Variants in NEDD4 observed in about 807,000 individuals in gnomAD.
NEDD4 encodes the protein NEDD4 E3 ubiquitin protein ligase.
A neutral mutation model predicts 144.9 loss-of-function variants in NEDD4; 99 were observed. That is an observed-to-expected ratio of 0.68 (90% CI 0.58 to 0.81). The LOEUF (loss-of-function observed/expected upper bound fraction) is 0.81, where lower values mean the gene tolerates loss of function less well. Among genes scored for constraint, NEDD4 ranks in the 30% least tolerant of loss-of-function variants. The pLI is 0.00. For synonymous variants in NEDD4, 318 were observed against 350.6 expected, an observed-to-expected ratio of 0.91 and a Z score of 1.04; for missense variants, 985 against 1,065.9, an observed-to-expected ratio of 0.92 and a Z score of 1.06.
At position 55,872,423 on chromosome 15, in the gene NEDD4, A is replaced by G; in HGVS notation, c.396T>C (p.His132=). 6.9e-7 allele frequency: 1 copy of G among 1,453,274 alleles called. No individual in the cohort carries two copies. Among genetic ancestry groups the G allele is most frequent in the Non-Finnish European group, 9.3e-7 (1 of 1,078,800 alleles). 90.0% of individuals were successfully genotyped at this position (1,453,274 alleles called of 1,614,324 possible). ...ATTTTATATTTACTGACCTTCTTGG[A>G]TGAAGAACAAAATCCTTAAATGTAT... is the stretch of plus-strand genomic sequence containing the variant. ...RPYTFKDFVL[H]PRSHKSRVKG... The change falls in exon 7 of 29, where the codon CAT becomes CAC. Residue 132 remains histidine, a synonymous_variant. Coordinates refer to ENST00000435532, the MANE Select transcript of NEDD4 (RefSeq NM_006154.4).
chr15:55,957,993 T>C (rs927014142), intron 2 of NEDD4, among the ~76,000 whole-genome samples: 1 of 152,112 alleles, frequency 6.6e-6, no homozygotes, highest in Non-Finnish European at 1.5e-5. Flanking sequence ...GGGTGAGGGA[T>C]AGCATTAGGA....
At chr15:55,961,065 C>T (rs567017382) in intron 2 of NEDD4, among the ~76,000 whole-genome samples, 11 of 152,300 alleles carry the variant, frequency 7.2e-5, no homozygotes, top group South Asian at 2.1e-4. Context: ...TAGAGAGTGG[C>T]TATCTGCTAT....
chr15:55,986,240 T>C (rs1463017956), intron 1 of NEDD4, among the ~76,000 whole-genome samples: 4 of 152,172 alleles, frequency 2.6e-5, no homozygotes, highest in Non-Finnish European at 5.9e-5. Flanking sequence ...AATTCATCAA[T>C]GGATGCTAAA....
chr15:55,913,298 G>A (rs2036333214), intron 5 of NEDD4, among the ~76,000 whole-genome samples: 1 of 151,882 alleles, frequency 6.6e-6, no homozygotes, highest in Non-Finnish European at 1.5e-5. Context: ...TTATAAGTGA[G>A]TTACAATATA....
intron 1 of NEDD4, among the ~76,000 whole-genome samples, chr15:55,967,921 G>A (rs1453475403): frequency 6.6e-6 from 1 of 152,068 alleles, no homozygotes; most frequent in Non-Finnish European, 1.5e-5. Context: ...GGTGAGGCAG[G>A]AGGATTGCCT....
At chr15:55,849,013 T>G (rs2033871047) in intron 14 of NEDD4, 127 bp from the exon 15 acceptor site, 2 of 713,942 alleles carry the variant, frequency 2.8e-6, no homozygotes, top group Non-Finnish European at 4.8e-6. Flanking sequence ...AATTTATACT[T>G]TATTTCCTAA....
rs541548706 is a variant in NEDD4, at chr15:55,904,166, G to T, written c.291+20480C>A. On this transcript the variant is annotated intron_variant, in intron 5 of 28. Coordinates refer to ENST00000435532, the MANE Select transcript of NEDD4 (RefSeq NM_006154.4). ...AGCAAGACTGCATCTCAAAAGAAAA[G>T]AATATATCAAGGTTTTCTCCAAGTT... Among the ~76,000 whole-genome samples, 44 of 152,120 alleles carry T rather than the reference G, an allele frequency of 2.9e-4. 2 individuals carry two copies. In the South Asian group the frequency reaches 8.9e-3, roughly 31 times the overall value.
At chr15:55,953,390 T>C (rs1036412851) in intron 2 of NEDD4, among the ~76,000 whole-genome samples, 1 of 152,116 alleles carries the variant, frequency 6.6e-6, no homozygotes, top group East Asian at 1.9e-4. Flanking sequence ...ACAGCCAGGA[T>C]TGAAACTCCA....
intron 5 of NEDD4, among the ~76,000 whole-genome samples, chr15:55,883,349 G>A (rs892993866): frequency 5.3e-5 from 8 of 152,150 alleles, no homozygotes; most frequent in African/African-American, 1.9e-4. Context: ...TGGTTTGTGT[G>A]TCCACTCAGC....
At position 55,852,630 on chromosome 15, in the gene NEDD4, T is replaced by C. The variant is rs1430423181; in HGVS notation, c.1027-87A>G. The C allele has an allele frequency of 8.1e-6, 10 of 1,241,182 alleles. No homozygotes were observed. In the African/African-American group the frequency reaches 1.1e-4, roughly 13 times the overall value. The allele number at this position is 1,241,182 out of a possible 1,614,324, so 76.9% of individuals were successfully genotyped here. A position where few individuals can be genotyped will look rare whatever the true frequency, so the allele number is the denominator to read the frequency against. On this transcript the variant is annotated intron_variant, in intron 12 of 28. Coordinates refer to ENST00000435532, the MANE Select transcript of NEDD4 (RefSeq NM_006154.4). The stretch of plus-strand genomic sequence containing the variant: ...CAAAAGTTCCCTCTGTCCCTATGTC[T>C]ACTCTCAGCCCCAAGCAACCACTCA...
chr15:55,839,600 C>T (rs2033373171), intron 21 of NEDD4, among the ~76,000 whole-genome samples: 1 of 152,182 alleles, frequency 6.6e-6, no homozygotes, highest in African/African-American at 2.4e-5. Context: ...AACACGGCTA[C>T]AGTCCGGGGT....
intron 5 of NEDD4, among the ~76,000 whole-genome samples, chr15:55,881,070 T>C: frequency 6.6e-6 from 1 of 152,138 alleles, no homozygotes; most frequent in African/African-American, 2.4e-5. Context: ...GAGTTGATGA[T>C]AATTTTTGAA....
At chr15:55,883,623 G>C (rs1326906939) in intron 5 of NEDD4, among the ~76,000 whole-genome samples, 2 of 151,836 alleles carry the variant, frequency 1.3e-5, no homozygotes, top group African/African-American at 2.4e-5. Context: ...TGCATTCCCA[G>C]TGGTGGTGGC....
At chr15:55,963,322 G>A (rs1469187348) in intron 2 of NEDD4, among the ~76,000 whole-genome samples, 1 of 151,418 alleles carries the variant, frequency 6.6e-6, no homozygotes, top group African/African-American at 2.4e-5. Flanking sequence ...TCTAGTGACA[G>A]GGTCCCACTT....
chr15:55,910,317 C>T (rs1448223288), intron 5 of NEDD4, among the ~76,000 whole-genome samples: 1 of 152,058 alleles, frequency 6.6e-6, no homozygotes, highest in African/African-American at 2.4e-5. Flanking sequence ...CCTGAGCCTA[C>T]TCTTGCTAAT....
intron 6 of NEDD4, 84 bp from the exon 7 acceptor site, chr15:55,872,560 A>C (rs1414127755): frequency 2.0e-6 from 1 of 492,982 alleles, no homozygotes; most frequent in Non-Finnish European, 3.4e-6. Context: ...ACTATCACCT[A>C]AGGCATAATT....
At chr15:55,897,555 A>T (rs1179487082) in intron 5 of NEDD4, among the ~76,000 whole-genome samples, 1 of 152,190 alleles carries the variant, frequency 6.6e-6, no homozygotes, top group Admixed American at 6.5e-5. Flanking sequence ...CAGTATGTTC[A>T]ACTTGGAGCA....
At chr15:55,921,980 T>C in intron 5 of NEDD4, among the ~76,000 whole-genome samples, 1 of 152,160 alleles carries the variant, frequency 6.6e-6, no homozygotes, top group East Asian at 1.9e-4. Flanking sequence ...AATAAAATAG[T>C]TCACCAATAA....
chr15:55,967,551 G>A (rs2142331833), intron 1 of NEDD4, among the ~76,000 whole-genome samples: 1 of 151,706 alleles, frequency 6.6e-6, no homozygotes, highest in African/African-American at 2.4e-5. Flanking sequence ...GTATACAGGT[G>A]TACACTGTAC....
Sources: allele counts gnomAD v4.1 joint callset (sites outside exome capture counted in the v4.1 genomes callset), GRCh38; gene constraint gnomAD v4.1.1; transcripts MANE v1.5; gene names NCBI Gene and HGNC (gene_info 2026-07-23, HGNC 2026-07-21).